WWOX: variants seen among roughly 807,000 people sequenced by gnomAD.
WWOX encodes WW domain-containing oxidoreductase.
WWOX carries 69 observed loss-of-function variants against 46.2 expected under a neutral mutation model. The observed-to-expected ratio is 1.49, with a 90% CI of 1.23 to 1.82. WWOX has a LOEUF of 1.82. Among genes scored for constraint, WWOX ranks in the 40% most tolerant of loss-of-function variants. The pLI is 0.00. For missense variants in WWOX, 919 were observed against 542.6 expected (o/e 1.69, Z -6.89); for synonymous variants, 359 against 202.6 (o/e 1.77, Z -6.56).
intron 8 of WWOX, among the ~76,000 whole-genome samples, chr16:79,099,664 C>T (rs897144294): frequency 2.0e-5 from 3 of 151,844 alleles, no homozygotes; most frequent in Admixed American, 6.6e-5. Context: ...CAATTTATTT[C>T]TGTTTTTAAC....
chr16:78,572,770 C>T (rs1286744409), intron 8 of WWOX, among the ~76,000 whole-genome samples: 1 of 151,732 alleles, frequency 6.6e-6, no homozygotes, highest in Non-Finnish European at 1.5e-5. Flanking sequence ...TAGTGTTTTC[C>T]CAGGTGTGAG....
intron 8 of WWOX, among the ~76,000 whole-genome samples, chr16:78,509,973 G>A (rs1468732000): frequency 6.6e-6 from 1 of 151,242 alleles, no homozygotes; most frequent in African/African-American, 2.4e-5. Context: ...GGTGGCACAT[G>A]CCTGTAGTCC....
chr16:78,337,792 G>A (rs1181009277), intron 5 of WWOX, among the ~76,000 whole-genome samples: 3 of 56,276 alleles, frequency 5.3e-5, no homozygotes, highest in Admixed American at 4.8e-4. Flanking sequence ...ATTGAATCTT[G>A]AAGCTAGAGT....
intron 8 of WWOX, among the ~76,000 whole-genome samples, chr16:79,056,366 G>C (rs929523707): frequency 6.6e-6 from 1 of 152,198 alleles, no homozygotes; most frequent in African/African-American, 2.4e-5. Flanking sequence ...ATACATGGAG[G>C]AGTTACCTTG....
At chr16:78,336,993 C>G (rs1452445087) in intron 5 of WWOX, among the ~76,000 whole-genome samples, 1 of 152,032 alleles carries the variant, frequency 6.6e-6, no homozygotes, top group Non-Finnish European at 1.5e-5. Context: ...GTTGGCCAGG[C>G]TGGTCTCAAA....
intron 8 of WWOX, among the ~76,000 whole-genome samples, chr16:78,760,744 C>T (rs2049771628): frequency 6.6e-6 from 1 of 152,230 alleles, no homozygotes; most frequent in African/African-American, 2.4e-5. Context: ...GAATACCTCT[C>T]ATGCCTGGAG....
intron 7 of WWOX, among the ~76,000 whole-genome samples, chr16:78,431,916 A>C (rs572827512): frequency 1.3e-5 from 2 of 152,042 alleles, no homozygotes; most frequent in East Asian, 3.9e-4. Context: ...GTGTCTCCCT[A>C]TGTTGCCTAA....
chr16:78,690,979 G>C (rs1301066142), intron 8 of WWOX, among the ~76,000 whole-genome samples: 2 of 152,086 alleles, frequency 1.3e-5, no homozygotes, highest in Admixed American at 6.5e-5. Context: ...CAATCTATAT[G>C]TCCAACGCCA....
intron 8 of WWOX, among the ~76,000 whole-genome samples, chr16:79,088,477 A>T (rs1387429475): frequency 2.0e-5 from 3 of 152,154 alleles, no homozygotes; most frequent in Non-Finnish European, 4.4e-5. Flanking sequence ...GCAAGGGATA[A>T]CCTCACAGTC....
In WWOX at chr16:79,212,629, C is replaced by G. The variant is rs369316900; in HGVS notation, c.*833C>G. 2 of 152,512 alleles carry G rather than the reference C, an allele frequency of 1.3e-5. No individual in the cohort carries two copies. The highest frequency in any genetic ancestry group is 4.8e-5 in the African/African-American group (2 of 41,294). 9.4% of individuals were successfully genotyped at this position (152,512 alleles called of 1,614,324 possible). On this transcript the variant is annotated 3_prime_UTR_variant, in exon 9 of 9. Coordinates refer to ENST00000566780, the MANE Select transcript of WWOX (RefSeq NM_016373.4). ...TGTACTTAAACCTCCTGCTGTGCCT[C>G]GCATCCTATGCTTAATAAAAGAACA... is the stretch of plus-strand genomic sequence containing the variant.
chr16:78,777,283 A>G (rs1043440231), intron 8 of WWOX, among the ~76,000 whole-genome samples: 1 of 152,282 alleles, frequency 6.6e-6, no homozygotes, highest in African/African-American at 2.4e-5. Flanking sequence ...ATGCCATCCA[A>G]CAGGAATTTG....
At position 78,811,751 on chromosome 16, in the gene WWOX, C is replaced by G. The variant is rs544794707; in HGVS notation, c.1056+378999C>G. Among the ~76,000 whole-genome samples, 5 of 152,186 alleles carry G rather than the reference C, an allele frequency of 3.3e-5. No homozygotes were observed. The South Asian group carries it at 1.0e-3, about 32-fold the overall frequency. On this transcript the variant is annotated intron_variant, in intron 8 of 8. Coordinates refer to ENST00000566780, the MANE Select transcript of WWOX (RefSeq NM_016373.4). ...AGACTTCATCTAAACCTAACAACCT[C>G]TCCAGGGTCCCACACCCAGATACCA...
intron 8 of WWOX, among the ~76,000 whole-genome samples, chr16:78,555,084 A>G (rs1020405259): frequency 1.3e-5 from 2 of 150,948 alleles, no homozygotes; most frequent in Non-Finnish European, 2.9e-5. Flanking sequence ...GTGGGTTTGG[A>G]AGGACGGATT....
intron 8 of WWOX, among the ~76,000 whole-genome samples, chr16:78,572,166 C>T (rs1166578822): frequency 6.6e-6 from 1 of 152,142 alleles, no homozygotes; most frequent in Non-Finnish European, 1.5e-5. Flanking sequence ...ACCTGAAAGT[C>T]CTCCAAAAGC....
chr16:78,852,425 C>T (rs2052468000), intron 8 of WWOX, among the ~76,000 whole-genome samples: 1 of 152,198 alleles, frequency 6.6e-6, no homozygotes, highest in Non-Finnish European at 1.5e-5. Flanking sequence ...TCAAACAGCA[C>T]CATGGGGAGA....
rs1168207622 is a variant in WWOX at position 78,927,335 on chromosome 16, C to G, written c.1057-284273C>G. On this transcript the variant is annotated intron_variant, in intron 8 of 8. Coordinates refer to ENST00000566780, the MANE Select transcript of WWOX (RefSeq NM_016373.4). ...CACTGTTTATCCTGGTGACCTTAGGCAAGTCATTTAATTTCCTTGAGTTTT... is the reference window on the plus strand; with the variant it reads ...CACTGTTTATCCTGGTGACCTTAGGGAAGTCATTTAATTTCCTTGAGTTTT... Among the ~76,000 whole-genome samples the G allele has an allele frequency of 2.6e-5, 4 of 152,196 alleles. No homozygotes were observed. In the South Asian group the frequency reaches 6.2e-4, roughly 24 times the overall value.
chr16:78,668,916 G>C lies in WWOX; in HGVS notation c.1056+236164G>C, dbSNP rs553407918. 4.6e-5 allele frequency among the ~76,000 whole-genome samples: 7 copies of C among 152,228 alleles called. No homozygotes were observed. In the South Asian group the frequency reaches 1.5e-3, roughly 32 times the overall value. On this transcript the variant is annotated intron_variant, in intron 8 of 8. Transcript: ENST00000566780. ...CATCGGGCCTCCACATAGGGTATGC[G>C]AACCTCTTCATGTTTTTAAAAGGGA... is the stretch of plus-strand genomic sequence containing the variant.
At chr16:78,626,943 G>C (rs138942309) in intron 8 of WWOX, among the ~76,000 whole-genome samples, 13 of 152,104 alleles carry the variant, frequency 8.5e-5, no homozygotes, top group African/African-American at 2.4e-4. Context: ...GTTGGCTCCT[G>C]TGTTCTTGTG....
intron 8 of WWOX, among the ~76,000 whole-genome samples, chr16:78,679,300 C>T (rs1427043971): frequency 1.3e-5 from 2 of 152,202 alleles, no homozygotes; most frequent in Non-Finnish European, 1.5e-5. Context: ...CCTGTAATCC[C>T]AGCACTTTGG....
Sources: gnomAD v4.1 joint callset for allele counts (sites outside exome capture counted in the v4.1 genomes callset) on GRCh38, gnomAD v4.1.1 for gene constraint, MANE v1.5 for transcripts, NCBI Gene and HGNC (gene_info 2026-07-23, HGNC 2026-07-21) for gene names.